Variants in A1CF observed in about 807,000 individuals in gnomAD.
The protein encoded by A1CF is APOBEC1 complementation factor.
A1CF carries 48 observed loss-of-function variants against 68.9 expected under a neutral mutation model. The ratio of observed to expected loss-of-function variants is 0.70; its 90% CI spans 0.55 to 0.89. A1CF has a LOEUF of 0.89. Among genes scored for constraint, A1CF ranks in the 40% least tolerant of loss-of-function variants. A1CF has a pLI of 0.00. For synonymous variants in A1CF, 272 were observed against 260.4 expected (o/e 1.04, Z -0.43); for missense variants, 653 against 718.9 (o/e 0.91, Z 1.05).
rs771977332 is a variant in A1CF at position 50,836,119 on chromosome 10, C to T, written c.559G>A (p.Glu187Lys). 6.2e-7 allele frequency: 1 copy of T among 1,613,930 alleles called. No individual in the cohort carries two copies. Among genetic ancestry groups the T allele is most frequent in the South Asian group, 1.1e-5 (1 of 91,056 alleles). ...GCCATGGCAGCTGCTCGATGACTCT[C>T]ATACTCCACGAAGGCAAAGCCTCGG... Reference protein sequence around the residue: ...KNRGFAFVEYESHRAAAMARR... With the variant: ...KNRGFAFVEYKSHRAAAMARR... The change falls in exon 6 of 13, where the codon GAG becomes AAG. Residue 187 changes from glutamate (E) to lysine (K), a missense_variant. Transcript: ENST00000373997.
intron 2 of A1CF, among the ~76,000 whole-genome samples, chr10:50,862,460 G>A (rs543879164): frequency 6.6e-6 from 1 of 152,214 alleles, no homozygotes; most frequent in South Asian, 2.1e-4. Flanking sequence ...ACAGAACAAT[G>A]TCATCCTCTT....
At chr10:50,883,215 A>G (rs1486934506) in intron 1 of A1CF, among the ~76,000 whole-genome samples, 1 of 152,218 alleles carries the variant, frequency 6.6e-6, no homozygotes, top group East Asian at 1.9e-4. Flanking sequence ...TGTTACAAAT[A>G]GGAAAATGAA....
rs12251965 is a variant in A1CF at position 50,883,190 on chromosome 10, A to C, written c.-94+2391T>G. 7.1e-3 allele frequency among the ~76,000 whole-genome samples: 1,076 copies of C among 152,304 alleles called. 18 individuals carry two copies. The highest frequency in any genetic ancestry group is 0.025 in the African/African-American group (1,022 of 41,572). On this transcript the variant is annotated intron_variant, in intron 1 of 12. Coordinates refer to ENST00000373997, the MANE Select transcript of A1CF (RefSeq NM_014576.4). ...TAGGTATACTTGGGCAATTTTAGAA[A>C]ATTTTTCTGGAGGTTGTTACAAATA...
At chr10:50,828,456 G>A (rs879425516) in intron 6 of A1CF, 161 bp from the exon 7 acceptor site, 2 of 475,144 alleles carry the variant, frequency 4.2e-6, no homozygotes, top group Non-Finnish European at 7.2e-6. Context: ...GACATTCCAA[G>A]TGGAGTAGCT....
At chr10:50,855,722 C>G (rs1840449138) in intron 3 of A1CF, among the ~76,000 whole-genome samples, 1 of 151,918 alleles carries the variant, frequency 6.6e-6, no homozygotes. Flanking sequence ...TAAGAGAGCA[C>G]AAATTCATCA....
In A1CF at chr10:50,811,069, A is replaced by G. The variant is rs1290655110; in HGVS notation, c.1431T>C (p.Ile477=). ...QRQLFLYKIT[I]PALASQNPAI... Reference sequence around the variant, plus strand: ...CAGGATTCTGGCTGGCTAGAGCAGGAATAGTTATTTTGTACAAGAATAGCT... The same window carrying G: ...CAGGATTCTGGCTGGCTAGAGCAGGGATAGTTATTTTGTACAAGAATAGCT... The change falls in exon 11 of 13, where the codon ATT becomes ATC. Residue 477 remains isoleucine, a synonymous_variant. Coordinates refer to ENST00000373997, the MANE Select transcript of A1CF (RefSeq NM_014576.4). The G allele has an allele frequency of 6.2e-7, 1 of 1,613,350 alleles. No homozygotes were observed. Among genetic ancestry groups the G allele is most frequent in the African/African-American group, 1.3e-5 (1 of 74,908 alleles).
chr10:50,871,719 C>G (rs1206606251), intron 1 of A1CF, among the ~76,000 whole-genome samples: 1 of 151,806 alleles, frequency 6.6e-6, no homozygotes, highest in Non-Finnish European at 1.5e-5. Flanking sequence ...GGATCATAAA[C>G]AATTTGAGAA....
chr10:50,850,898 C>A (rs971607786), intron 3 of A1CF: 11 of 1,401,418 alleles, frequency 7.8e-6, no homozygotes, highest in African/African-American at 2.9e-5. Context: ...ATTCAATAGG[C>A]CCATCTAACT....
chr10:50,847,423 T>G (rs937827413), intron 3 of A1CF, among the ~76,000 whole-genome samples: 1 of 152,170 alleles, frequency 6.6e-6, no homozygotes, highest in African/African-American at 2.4e-5. Flanking sequence ...ACTTGGAAAT[T>G]TCCTCCTATC....
intron 3 of A1CF, 76 bp downstream of exon 3, chr10:50,859,766 G>T: frequency 2.4e-6 from 3 of 1,276,426 alleles, no homozygotes; most frequent in South Asian, 1.3e-5. Context: ...TTCCCATTTT[G>T]CATCTTAGGA....
chr10:50,881,629 A>G (rs1841776953), intron 1 of A1CF, among the ~76,000 whole-genome samples: 1 of 152,186 alleles, frequency 6.6e-6, no homozygotes, highest in South Asian at 2.1e-4. Context: ...TCCTAAAACA[A>G]TGAATAGTTT....
chr10:50,810,404 A>G (rs1564493029), intron 11 of A1CF, among the ~76,000 whole-genome samples: 1 of 152,186 alleles, frequency 6.6e-6, no homozygotes, highest in African/African-American at 2.4e-5. Flanking sequence ...AAATTAAATG[A>G]TGGGCCATTG....
intron 6 of A1CF, among the ~76,000 whole-genome samples, chr10:50,832,347 G>A (rs1367525891): frequency 1.3e-5 from 2 of 152,170 alleles, no homozygotes; most frequent in Non-Finnish European, 2.9e-5. Flanking sequence ...TTACCAGCTC[G>A]TTACTGACCT....
intron 2 of A1CF, among the ~76,000 whole-genome samples, chr10:50,861,543 G>A (rs992722584): frequency 6.8e-6 from 1 of 147,764 alleles, no homozygotes; most frequent in African/African-American, 2.5e-5. Context: ...ATATTATTAG[G>A]ACTACCTACT....
chr10:50,823,111 A>G (rs1413241522), intron 7 of A1CF: 2 of 152,220 alleles, frequency 1.3e-5, no homozygotes, highest in Non-Finnish European at 2.9e-5. Context: ...GTTTGCAGAT[A>G]TCTGAAATTA....
At chr10:50,869,892 T>C (rs1234170864) in intron 1 of A1CF, among the ~76,000 whole-genome samples, 1 of 151,926 alleles carries the variant, frequency 6.6e-6, no homozygotes, top group African/African-American at 2.4e-5. Context: ...ATTTTTAGCT[T>C]CCTATGATAT....
chr10:50,865,964 C>A (rs1840971587), intron 1 of A1CF, among the ~76,000 whole-genome samples: 2 of 152,176 alleles, frequency 1.3e-5, no homozygotes, highest in African/African-American at 4.8e-5. Context: ...GAAGGCTCAG[C>A]TTGACATTAT....
At chr10:50,880,243 C>G (rs191621332) in intron 1 of A1CF, among the ~76,000 whole-genome samples, 2 of 152,154 alleles carry the variant, frequency 1.3e-5, no homozygotes, top group African/African-American at 4.8e-5. Flanking sequence ...CCAGACTGCC[C>G]GGACTCACTC....
At chr10:50,816,309 C>T (rs779736259) in intron 8 of A1CF, 30 bp from the exon 9 acceptor site, 52 of 1,605,148 alleles carry the variant, frequency 3.2e-5, no homozygotes, top group South Asian at 3.1e-4. Context: ...AATATCAACG[C>T]GAGATGATAT....
Sources: gnomAD v4.1 joint callset for allele counts (sites outside exome capture counted in the v4.1 genomes callset) on GRCh38, gnomAD v4.1.1 for gene constraint, MANE v1.5 for transcripts, NCBI Gene and HGNC (gene_info 2026-07-23, HGNC 2026-07-21) for gene names.